CERKL: variants seen among roughly 807,000 people sequenced by gnomAD.
CERKL encodes the protein ceramide kinase-like protein.
In CERKL, 61 loss-of-function variants were observed where a neutral mutation model predicts 63.4. The observed-to-expected ratio is 0.96, with a 90% CI of 0.78 to 1.19. CERKL has a LOEUF of 1.19. Among genes scored for constraint, CERKL ranks in the 50% most tolerant of loss-of-function variants. CERKL has a pLI of 0.00. For synonymous variants in CERKL, 250 were observed against 230.5 expected (o/e 1.08, Z -0.77); for missense variants, 675 against 655.5 (o/e 1.03, Z -0.33).
rs560382782 is a variant in CERKL, at chr2:181,569,456, C to T, written c.614-3335G>A. ...AGAAATGGAAGGCTTCAAGTAGAGC[C>T]ATAAACAACCAGAGAAACACTATGA... is the stretch of plus-strand genomic sequence containing the variant. On this transcript the variant is annotated intron_variant, in intron 3 of 12. Transcript: ENST00000410087. Among the ~76,000 whole-genome samples the T allele has an allele frequency of 2.3e-4, 35 of 152,152 alleles. 2 individuals carry two copies. In the South Asian group the frequency reaches 6.7e-3, roughly 29 times the overall value.
intron 1 of CERKL, among the ~76,000 whole-genome samples, chr2:181,618,114 CAA>C (rs1574503490): frequency 6.6e-6 from 1 of 152,036 alleles, no homozygotes; most frequent in Non-Finnish European, 1.5e-5. Flanking sequence ...AAAGGAGACT[CAA>C]GAGAGTGAGA....
chr2:181,610,381 G>A (rs142331176), intron 1 of CERKL, among the ~76,000 whole-genome samples: 2 of 152,330 alleles, frequency 1.3e-5, no homozygotes, highest in East Asian at 3.9e-4. Flanking sequence ...CCCAGTGCTG[G>A]TGGGAATGCA....
In CERKL at chr2:181,536,791, T is replaced by G. The variant is rs1359108773; in HGVS notation, c.*1393A>C. 2 of 254,214 alleles carry G rather than the reference T, an allele frequency of 7.9e-6. No homozygotes were observed. Among genetic ancestry groups the G allele is most frequent in the Admixed American group, 9.9e-5 (2 of 20,120 alleles). The allele number at this position is 254,214 out of a possible 1,614,324, so 15.7% of individuals were successfully genotyped here. A position where few individuals can be genotyped will look rare whatever the true frequency, so the allele number is the denominator to read the frequency against. ...ACAATCATTTTTGTAATATTTATTT[T>G]ATGCTTATGATCTAGATAATTGCAG... On this transcript the variant is annotated 3_prime_UTR_variant, in exon 13 of 13. Coordinates refer to ENST00000410087, the MANE Select transcript of CERKL (RefSeq NM_201548.5).
intron 5 of CERKL, among the ~76,000 whole-genome samples, chr2:181,551,752 A>G (rs1687997871): frequency 6.6e-6 from 1 of 152,142 alleles, no homozygotes; most frequent in Non-Finnish European, 1.5e-5. Context: ...AAAGTTTTAT[A>G]CATCTTATAC....
intron 1 of CERKL, among the ~76,000 whole-genome samples, chr2:181,614,431 A>T (rs1686105074): frequency 6.6e-6 from 1 of 152,232 alleles, no homozygotes; most frequent in Non-Finnish European, 1.5e-5. Context: ...GGGTATATTT[A>T]AAAATGGACT....
At chr2:181,655,337 G>A (rs1420039490) in intron 1 of CERKL, among the ~76,000 whole-genome samples, 3 of 152,174 alleles carry the variant, frequency 2.0e-5, no homozygotes, top group African/African-American at 7.2e-5. Context: ...ATTGCACAAT[G>A]TCTCATTTTA....
intron 11 of CERKL, among the ~76,000 whole-genome samples, chr2:181,541,972 A>G (rs1370607333): frequency 1.3e-5 from 2 of 152,210 alleles, no homozygotes; most frequent in East Asian, 3.9e-4. Flanking sequence ...AGATAAGACG[A>G]GATGACAGAA....
At chr2:181,589,030 G>A (rs556603650) in intron 2 of CERKL, among the ~76,000 whole-genome samples, 20 of 152,226 alleles carry the variant, frequency 1.3e-4, no homozygotes, top group Middle Eastern at 3.4e-3. Flanking sequence ...CATTCCATAG[G>A]TTGTCTCTTC....
intron 2 of CERKL, among the ~76,000 whole-genome samples, chr2:181,593,290 T>A (rs915995217): frequency 6.6e-6 from 1 of 152,122 alleles, no homozygotes; most frequent in East Asian, 1.9e-4. Context: ...AGAGGACCCA[T>A]CCATGCTATC....
chr2:181,573,115 G>A (rs922955884), intron 3 of CERKL, among the ~76,000 whole-genome samples: 21 of 151,890 alleles, frequency 1.4e-4, no homozygotes, highest in East Asian at 1.9e-4. Context: ...CCCACCATAC[G>A]AAAATAAGTC....
At chr2:181,571,499 CTT>C (rs143055579) in intron 3 of CERKL, among the ~76,000 whole-genome samples, 16 of 152,176 alleles carry the variant, frequency 1.1e-4, no homozygotes, top group African/African-American at 3.6e-4. Flanking sequence ...TCTCCAATCT[CTT>C]TTTCTCTCTT....
chr2:181,614,023 A>C (rs1388529834), intron 1 of CERKL, among the ~76,000 whole-genome samples: 1 of 152,208 alleles, frequency 6.6e-6, no homozygotes, highest in Non-Finnish European at 1.5e-5. Context: ...GAGCCATCTA[A>C]ATATTGTTTA....
intron 5 of CERKL, among the ~76,000 whole-genome samples, chr2:181,555,249 CTAATGAAGTGT>C (rs1208965330): frequency 2.6e-5 from 4 of 152,094 alleles, no homozygotes; most frequent in Non-Finnish European, 4.4e-5. Context: ...AATTTAAGTA[CTAATGAAGTGT>C]CCTAAGCACA....
chr2:181,591,491 C>A (rs1281997142), intron 2 of CERKL, among the ~76,000 whole-genome samples: 1 of 152,032 alleles, frequency 6.6e-6, no homozygotes, highest in Non-Finnish European at 1.5e-5. Flanking sequence ...TTTTTGAACA[C>A]AATACTTGAA....
chr2:181,647,771 G>A (rs531272769), intron 1 of CERKL, among the ~76,000 whole-genome samples: 1 of 152,146 alleles, frequency 6.6e-6, no homozygotes, highest in African/African-American at 2.4e-5. Context: ...AAAGAAAAGG[G>A]TGTTTATAAA....
At chr2:181,561,050 G>A (rs2105824477) in intron 4 of CERKL, among the ~76,000 whole-genome samples, 1 of 152,258 alleles carries the variant, frequency 6.6e-6, no homozygotes, top group Admixed American at 6.5e-5. Context: ...GTCATAACAG[G>A]AAGGGAGGTT....
intron 2 of CERKL, among the ~76,000 whole-genome samples, chr2:181,575,393 A>C (rs938839050): frequency 6.6e-6 from 1 of 152,212 alleles, no homozygotes; most frequent in African/African-American, 2.4e-5. Context: ...TACTGGGAAG[A>C]AGGGCCAAGG....
At chr2:181,559,846 G>A (rs886207621) in intron 4 of CERKL, among the ~76,000 whole-genome samples, 1 of 151,996 alleles carries the variant, frequency 6.6e-6, no homozygotes, top group Admixed American at 6.6e-5. Flanking sequence ...ATTCCCTCTA[G>A]TCCCCATCTT....
intron 1 of CERKL, among the ~76,000 whole-genome samples, chr2:181,635,081 A>C (rs1687115169): frequency 6.6e-6 from 1 of 152,188 alleles, no homozygotes; most frequent in Non-Finnish European, 1.5e-5. Context: ...AGGCACTTAG[A>C]ATTTCAATGC....
Sources: gnomAD v4.1 joint callset for allele counts (sites outside exome capture counted in the v4.1 genomes callset) on GRCh38, gnomAD v4.1.1 for gene constraint, MANE v1.5 for transcripts, NCBI Gene and HGNC (gene_info 2026-07-23, HGNC 2026-07-21) for gene names.